Variants in KIAA1549L observed in about 807,000 individuals in gnomAD.
KIAA1549L encodes the protein UPF0606 protein KIAA1549L.
In KIAA1549L, 88 loss-of-function variants were observed where a neutral mutation model predicts 160.7. The observed-to-expected ratio is 0.55, with a 90% CI of 0.46 to 0.65. KIAA1549L has a LOEUF of 0.65. KIAA1549L is among the 30% of genes least tolerant of loss of function. The pLI is 0.00. For missense variants in KIAA1549L, 2,258 were observed against 2,437.5 expected (o/e 0.93, Z 1.55); for synonymous variants, 950 against 976.7 (o/e 0.97, Z 0.51).
intron 1 of KIAA1549L, among the ~76,000 whole-genome samples, chr11:33,408,730 G>T (rs1337265742): frequency 6.9e-6 from 1 of 145,420 alleles, no homozygotes; most frequent in African/African-American, 2.6e-5. Flanking sequence ...GAGGCCCGGA[G>T]TCTGAGACCA....
At chr11:33,633,169 TTGTATTTTTA>T (rs1851348053) in intron 16 of KIAA1549L, among the ~76,000 whole-genome samples, 1 of 124,788 alleles carries the variant, frequency 8.0e-6, no homozygotes, top group Non-Finnish European at 1.7e-5. Context: ...TTTTTTTTTT[TTGTATTTTTA>T]GTAGAGACAG....
At chr11:33,477,646 A>G (rs953154604) in intron 1 of KIAA1549L, among the ~76,000 whole-genome samples, 3 of 152,160 alleles carry the variant, frequency 2.0e-5, no homozygotes, top group Non-Finnish European at 4.4e-5. Flanking sequence ...GTGCTGGTCA[A>G]AGTGCTCATA....
chr11:33,395,939 G>C (rs1195879520), intron 1 of KIAA1549L, among the ~76,000 whole-genome samples: 1 of 152,134 alleles, frequency 6.6e-6, no homozygotes, highest in African/African-American at 2.4e-5. Context: ...TACATGCGAA[G>C]TGTAATTTCT....
chr11:33,638,697 T>C (rs1435414402), intron 16 of KIAA1549L, among the ~76,000 whole-genome samples: 1 of 152,236 alleles, frequency 6.6e-6, no homozygotes, highest in African/African-American at 2.4e-5. Context: ...GGTAGGTATA[T>C]GTTTAAGAAA....
rs371824658 is a variant in KIAA1549L at position 33,447,410 on chromosome 11, T to G, written c.238+70521T>G. Among the ~76,000 whole-genome samples the G allele has an allele frequency of 5.3e-4, 80 of 152,256 alleles. No homozygotes were observed. The South Asian group carries it at 0.016, about 30-fold the overall frequency. The stretch of plus-strand genomic sequence containing the variant: ...ATGAATGAAAACTATTTCATACTCC[T>G]TAAGGATTTACTCTCTAAAAAACCT... On this transcript the variant is annotated intron_variant, in intron 1 of 20. Transcript: ENST00000658780.
intron 16 of KIAA1549L, among the ~76,000 whole-genome samples, chr11:33,641,590 A>G (rs1289610845): frequency 4.3e-3 from 30 of 7,000 alleles, no homozygotes; most frequent in African/African-American, 0.03. Flanking sequence ...ATATATATAT[A>G]TATATATATA....
chr11:33,663,119 A>G (rs545347211), intron 20 of KIAA1549L, among the ~76,000 whole-genome samples: 1 of 152,354 alleles, frequency 6.6e-6, no homozygotes, highest in African/African-American at 2.4e-5. Flanking sequence ...CAGCTTGAAA[A>G]GGGTCCAGGA....
intron 17 of KIAA1549L, among the ~76,000 whole-genome samples, chr11:33,653,285 C>T (rs1851948997): frequency 6.6e-6 from 1 of 152,136 alleles, no homozygotes; most frequent in South Asian, 2.1e-4. Context: ...TTTACTGATG[C>T]TCAAAAAAAA....
chr11:33,444,655 A>G (rs1318979280), intron 1 of KIAA1549L, among the ~76,000 whole-genome samples: 1 of 152,248 alleles, frequency 6.6e-6, no homozygotes, highest in Non-Finnish European at 1.5e-5. Flanking sequence ...CAGCTATTGA[A>G]ATGAAATGAA....
At position 33,542,635 on chromosome 11, in the gene KIAA1549L, C is replaced by A. The variant is rs1322989851; in HGVS notation, c.1072C>A (p.Pro358Thr). The change falls in exon 2 of 21, where the codon CCC becomes ACC. Residue 358 changes from proline to threonine, a missense_variant. Transcript: ENST00000658780. ...MAELSHPSPPPPALGSLLQLP... is the reference protein window; with the variant it reads ...MAELSHPSPPTPALGSLLQLP... ...AGAACTGTCCCATCCGTCTCCCCCT[C>A]CCCCAGCACTTGGAAGTCTTCTTCA... The A allele has an allele frequency of 6.2e-7, 1 of 1,613,834 alleles. No homozygotes were observed. The highest frequency in any genetic ancestry group is 1.1e-5 in the South Asian group (1 of 91,036).
intron 1 of KIAA1549L, among the ~76,000 whole-genome samples, chr11:33,386,703 G>T (rs577447992): frequency 6.6e-6 from 1 of 151,088 alleles, no homozygotes; most frequent in Admixed American, 6.6e-5. Context: ...TTCTAACAAC[G>T]GCCAGGCCAT....
intron 13 of KIAA1549L, among the ~76,000 whole-genome samples, chr11:33,603,738 G>A (rs1226508755): frequency 6.6e-6 from 1 of 151,832 alleles, no homozygotes; most frequent in Non-Finnish European, 1.5e-5. Context: ...CCCAGGAGGC[G>A]GAGGTTGCAG....
chr11:33,553,745 G>A (rs763499900), intron 6 of KIAA1549L, among the ~76,000 whole-genome samples: 2 of 152,216 alleles, frequency 1.3e-5, no homozygotes, highest in African/African-American at 2.4e-5. Flanking sequence ...TGGCAGCACA[G>A]CATACTTTAA....
chr11:33,441,337 T>C (rs967795063), intron 1 of KIAA1549L, among the ~76,000 whole-genome samples: 3 of 152,004 alleles, frequency 2.0e-5, no homozygotes, highest in Admixed American at 6.6e-5. Context: ...ACATTTGGGT[T>C]GGTTCCAAGT....
At chr11:33,483,029 C>A (rs930300951) in intron 1 of KIAA1549L, among the ~76,000 whole-genome samples, 2 of 152,070 alleles carry the variant, frequency 1.3e-5, no homozygotes, top group Admixed American at 1.3e-4. Context: ...CCCATTGTTC[C>A]TTTCTCCCTG....
Position 33,668,898 on chromosome 11 carries a change from C to G in KIAA1549L, c.*744C>G, listed in dbSNP as rs561917197. ...AAGTCCCCTACAAGTTAGGATCTAA[C>G]TGAAAGAGAATCGGTGCTAAGAGCT... is the stretch of plus-strand genomic sequence containing the variant. On this transcript the variant is annotated 3_prime_UTR_variant, in exon 21 of 21. Coordinates refer to ENST00000658780, the MANE Select transcript of KIAA1549L (RefSeq NM_012194.3). 6.6e-6 allele frequency: 1 copy of G among 152,318 alleles called. No homozygotes were observed. The highest frequency in any genetic ancestry group is 2.4e-5 in the African/African-American group (1 of 41,574). 9.4% of individuals were successfully genotyped at this position (152,318 alleles called of 1,614,324 possible).
chr11:33,409,717 A>C (rs1048016402), intron 1 of KIAA1549L, among the ~76,000 whole-genome samples: 1 of 149,898 alleles, frequency 6.7e-6, no homozygotes, highest in African/African-American at 2.5e-5. Context: ...CCCCTTTCTC[A>C]ATTTAAAATG....
chr11:33,617,765 A>G (rs1437100566), intron 15 of KIAA1549L, among the ~76,000 whole-genome samples: 1 of 152,038 alleles, frequency 6.6e-6, no homozygotes, highest in Non-Finnish European at 1.5e-5. Context: ...CATAGTAGGC[A>G]TTCGGTAAAT....
At chr11:33,418,910 G>T (rs1172052797) in intron 1 of KIAA1549L, among the ~76,000 whole-genome samples, 3 of 17,866 alleles carry the variant, frequency 1.7e-4, no homozygotes, top group East Asian at 3.6e-3. Flanking sequence ...GGGTGGGGTG[G>T]GGTGTTTGGG....
Sources: allele counts gnomAD v4.1 joint callset (sites outside exome capture counted in the v4.1 genomes callset), GRCh38; gene constraint gnomAD v4.1.1; transcripts MANE v1.5; gene names NCBI Gene and HGNC (gene_info 2026-07-23, HGNC 2026-07-21).